Variants in FNDC3B observed in about 807,000 individuals in gnomAD.
FNDC3B encodes fibronectin type III domain-containing protein 3B.
Under a neutral mutation model 151.5 loss-of-function variants are expected in FNDC3B, and 12 were observed. That is an observed-to-expected ratio of 0.08 (90% CI 0.05 to 0.13). The LOEUF is 0.13. Among genes scored for constraint, FNDC3B ranks in the 10% least tolerant of loss-of-function variants. The pLI, the probability that FNDC3B is intolerant of heterozygous loss-of-function variation, is 1.00. For synonymous variants in FNDC3B, 528 were observed against 549.0 expected (o/e 0.96, Z 0.54); for missense variants, 1,214 against 1,505.3 (o/e 0.81, Z 3.20).
intron 3 of FNDC3B, among the ~76,000 whole-genome samples, chr3:172,158,787 T>G (rs192361044): frequency 2.6e-5 from 4 of 152,324 alleles, no homozygotes; most frequent in Non-Finnish European, 5.9e-5. Context: ...AAGTCTATGA[T>G]TAATTGTGAG....
intron 3 of FNDC3B, among the ~76,000 whole-genome samples, chr3:172,136,977 T>C (rs558107967): frequency 6.6e-6 from 1 of 152,354 alleles, no homozygotes; most frequent in South Asian, 2.1e-4. Flanking sequence ...GTGCTGGGAT[T>C]ACAGGCATGA....
chr3:172,254,507 C>T (rs958221891), intron 6 of FNDC3B, among the ~76,000 whole-genome samples: 15 of 152,268 alleles, frequency 9.9e-5, no homozygotes, highest in Admixed American at 3.3e-4. Context: ...CATTCTCTCC[C>T]TCCTTCTAGT....
At chr3:172,102,648 TGTCAAA>T (rs1258251869) in intron 1 of FNDC3B, among the ~76,000 whole-genome samples, 13 of 152,146 alleles carry the variant, frequency 8.5e-5, no homozygotes. Flanking sequence ...CAGTGGGACC[TGTCAAA>T]GTGCTGTGGG....
At chr3:172,044,203 C>T (rs1716241755) in intron 1 of FNDC3B, among the ~76,000 whole-genome samples, 2 of 150,660 alleles carry the variant, frequency 1.3e-5, no homozygotes, top group Non-Finnish European at 3.0e-5. Flanking sequence ...AATTTAAATT[C>T]ATTGAATTTT....
chr3:172,163,422 T>G (rs1053053934), intron 3 of FNDC3B, among the ~76,000 whole-genome samples: 1 of 152,196 alleles, frequency 6.6e-6, no homozygotes, highest in African/African-American at 2.4e-5. Context: ...CATTAACAAA[T>G]TAAATCACTT....
At chr3:172,153,446 G>C (rs1042085336) in intron 3 of FNDC3B, among the ~76,000 whole-genome samples, 2 of 152,122 alleles carry the variant, frequency 1.3e-5, no homozygotes, top group African/African-American at 4.8e-5. Context: ...AGACTGTCTT[G>C]AATGTGACCT....
At chr3:172,248,181 GAA>G (rs1257876263) in intron 5 of FNDC3B, among the ~76,000 whole-genome samples, 2 of 152,180 alleles carry the variant, frequency 1.3e-5, no homozygotes, top group Non-Finnish European at 2.9e-5. Flanking sequence ...AAGGGAAATT[GAA>G]AAGTGTTTTG....
intron 5 of FNDC3B, 117 bp from the exon 6 acceptor site, chr3:172,251,143 T>C: frequency 1.3e-6 from 1 of 796,856 alleles, no homozygotes; most frequent in South Asian, 1.9e-5. Flanking sequence ...TATTTAGTAA[T>C]ACTTTAGACT....
chr3:172,391,371 G>A (rs1200004585), intron 25 of FNDC3B, among the ~76,000 whole-genome samples: 4 of 152,142 alleles, frequency 2.6e-5, no homozygotes, highest in East Asian at 1.9e-4. Context: ...TTAAAGATGA[G>A]AAAACTAAGG....
chr3:172,256,573 T>C (rs912317855), intron 6 of FNDC3B, among the ~76,000 whole-genome samples: 4 of 152,200 alleles, frequency 2.6e-5, no homozygotes, highest in Admixed American at 2.0e-4. Flanking sequence ...TTGCTCTTCA[T>C]TGAGTGAGAA....
At chr3:172,353,715 A>G (rs1257407063) in intron 22 of FNDC3B, among the ~76,000 whole-genome samples, 1 of 152,234 alleles carries the variant, frequency 6.6e-6, no homozygotes, top group African/African-American at 2.4e-5. Context: ...TAGTGTAGGA[A>G]CTATGGAAAG....
At chr3:172,222,948 T>C (rs138462806) in intron 3 of FNDC3B, among the ~76,000 whole-genome samples, 33 of 152,336 alleles carry the variant, frequency 2.2e-4, no homozygotes, top group African/African-American at 7.7e-4. Flanking sequence ...TGCTGGTCTT[T>C]CCTTTTGTCT....
At chr3:172,392,803 T>C (rs1340061286) in intron 25 of FNDC3B, among the ~76,000 whole-genome samples, 3 of 49,666 alleles carry the variant, frequency 6.0e-5, no homozygotes, top group Non-Finnish European at 5.0e-5. Flanking sequence ...TTTTTCTTTT[T>C]TTTTTTCTTT....
At chr3:172,326,871 A>G (rs1732378159) in intron 11 of FNDC3B, among the ~76,000 whole-genome samples, 1 of 152,162 alleles carries the variant, frequency 6.6e-6, no homozygotes, top group Admixed American at 6.5e-5. Flanking sequence ...CAAATAAAGA[A>G]ATAGGAAAAA....
At chr3:172,307,979 C>T (rs1731279274) in intron 10 of FNDC3B, among the ~76,000 whole-genome samples, 1 of 152,150 alleles carries the variant, frequency 6.6e-6, no homozygotes. Flanking sequence ...TAGTCTAGCT[C>T]ATTTCAACAA....
chr3:172,168,311 T>C (rs1723107607), intron 3 of FNDC3B, among the ~76,000 whole-genome samples: 1 of 152,220 alleles, frequency 6.6e-6, no homozygotes, highest in Non-Finnish European at 1.5e-5. Flanking sequence ...ACTCATCTTA[T>C]AAAAAGACTC....
chr3:172,133,752 G>A, intron 3 of FNDC3B: 1 of 585,894 alleles, frequency 1.7e-6, no homozygotes, highest in Non-Finnish European at 3.1e-6. Flanking sequence ...ATCTGTATTG[G>A]GTATCTGTTG....
At chr3:172,135,329 C>T (rs991782360) in intron 3 of FNDC3B, among the ~76,000 whole-genome samples, 1 of 151,850 alleles carries the variant, frequency 6.6e-6, no homozygotes, top group African/African-American at 2.4e-5. Flanking sequence ...TGGCCGCTCC[C>T]CCACTTTTTT....
chr3:172,233,064 C>G (rs896149019), intron 4 of FNDC3B, among the ~76,000 whole-genome samples: 6 of 152,168 alleles, frequency 3.9e-5, no homozygotes, highest in African/African-American at 1.4e-4. Context: ...TGTTTTTTAA[C>G]CTCACCATTA....
Sources: allele counts gnomAD v4.1 joint callset (sites outside exome capture counted in the v4.1 genomes callset), GRCh38; gene constraint gnomAD v4.1.1; transcripts MANE v1.5; gene names NCBI Gene and HGNC (gene_info 2026-07-23, HGNC 2026-07-21).